The following ZHX2 variants were observed in gnomAD, a reference collection of about 807,000 sequenced individuals.
The protein encoded by ZHX2 is zinc fingers and homeoboxes protein 2.
In ZHX2, 6 loss-of-function variants were observed where a neutral mutation model predicts 21.9. The ratio of observed to expected loss-of-function variants is 0.27; its 90% confidence interval spans 0.15 to 0.54. The LOEUF (loss-of-function observed/expected upper bound fraction) is 0.54. Among genes scored for constraint, ZHX2 ranks in the 20% least tolerant of loss-of-function variants. The pLI, the probability that ZHX2 is intolerant of heterozygous loss-of-function variation, is 0.95. For missense variants in ZHX2, 908 were observed against 1,090.7 expected, an observed-to-expected ratio of 0.83 and a Z score of 2.36; for synonymous variants, 434 against 437.1, an observed-to-expected ratio of 0.99 and a Z score of 0.09.
At chr8:122,790,783 T>G (rs574426541) in intron 1 of ZHX2, among the ~76,000 whole-genome samples, 8 of 152,126 alleles carry the variant, frequency 5.3e-5, no homozygotes, top group African/African-American at 1.9e-4. Flanking sequence ...AATTTTTGTA[T>G]TTTTAGTAGA....
intron 1 of ZHX2, among the ~76,000 whole-genome samples, chr8:122,799,461 A>G (rs1269278243): frequency 1.3e-5 from 2 of 152,190 alleles, no homozygotes; most frequent in Admixed American, 6.5e-5. Context: ...AAAGCTAATC[A>G]TTCAAAATTG....
chr8:122,817,385 T>TA (rs1818058042), intron 1 of ZHX2, among the ~76,000 whole-genome samples: 1 of 152,118 alleles, frequency 6.6e-6, no homozygotes, highest in Non-Finnish European at 1.5e-5. Context: ...TCAGTTGCCG[T>TA]ATGAGGCACT....
chr8:122,958,897 G>C (rs1398033917), intron 3 of ZHX2, among the ~76,000 whole-genome samples: 1 of 151,208 alleles, frequency 6.6e-6, no homozygotes, highest in Non-Finnish European at 1.5e-5. Context: ...CCAAGACACA[G>C]CCCCTACCTA....
chr8:122,788,897 G>A (rs771270655), intron 1 of ZHX2, among the ~76,000 whole-genome samples: 1 of 152,172 alleles, frequency 6.6e-6, no homozygotes, highest in African/African-American at 2.4e-5. Flanking sequence ...TTACAAATCC[G>A]CCTCTGTTAT....
At chr8:122,962,140 T>C (rs776898105) in intron 3 of ZHX2, among the ~76,000 whole-genome samples, 1 of 152,154 alleles carries the variant, frequency 6.6e-6, no homozygotes, top group Non-Finnish European at 1.5e-5. Flanking sequence ...CCAAACTATT[T>C]TAATAGTTTT....
At chr8:122,818,534 G>T (rs1366032725) in intron 1 of ZHX2, among the ~76,000 whole-genome samples, 1 of 152,092 alleles carries the variant, frequency 6.6e-6, no homozygotes, top group East Asian at 1.9e-4. Context: ...GGCTCTGTCT[G>T]TGGCTAGCTT....
In ZHX2 at chr8:122,798,073, G is replaced by A. The variant is rs542575970; in HGVS notation, c.-283+16127G>A. ...CTGAGGCTCAGAGAGGTGAAGCAAC[G>A]CAGCGAGGAAGGGGCAGAGCCAGAC... On this transcript the variant is annotated intron_variant, in intron 1 of 3. Coordinates refer to ENST00000314393, the MANE Select transcript of ZHX2 (RefSeq NM_014943.5). 3.3e-5 allele frequency among the ~76,000 whole-genome samples: 5 copies of A among 152,346 alleles called. No homozygotes were observed. The East Asian group carries it at 5.8e-4, about 18-fold the overall frequency.
At chr8:122,954,177 T>C in intron 3 of ZHX2, 149 bp downstream of exon 3, 1 of 747,222 alleles carries the variant, frequency 1.3e-6, no homozygotes, top group East Asian at 2.7e-5. Flanking sequence ...ATGATGTATA[T>C]TGATCACATA....
chr8:122,851,534 C>T (rs1299631002), intron 1 of ZHX2, among the ~76,000 whole-genome samples: 3 of 152,188 alleles, frequency 2.0e-5, no homozygotes, highest in African/African-American at 7.2e-5. Flanking sequence ...AGTGCAAGGT[C>T]AGATTGTCTG....
intron 2 of ZHX2, among the ~76,000 whole-genome samples, chr8:122,892,328 G>A (rs879523624): frequency 3.3e-5 from 5 of 152,142 alleles, no homozygotes; most frequent in Non-Finnish European, 7.3e-5. Context: ...CAAAGTAAGT[G>A]AGTTTCTTAT....
At chr8:122,846,385 C>G (rs555749536) in intron 1 of ZHX2, among the ~76,000 whole-genome samples, 3 of 152,184 alleles carry the variant, frequency 2.0e-5, no homozygotes, top group Non-Finnish European at 2.9e-5. Flanking sequence ...TTTCTGTGAA[C>G]TGAGTGAGCT....
intron 2 of ZHX2, among the ~76,000 whole-genome samples, chr8:122,893,122 TG>T (rs1820021226): frequency 6.6e-6 from 1 of 152,158 alleles, no homozygotes; most frequent in African/African-American, 2.4e-5. Flanking sequence ...GTTTTTGTTT[TG>T]TTTTTTTTCT....
chr8:122,906,990 T>C (rs948844363), intron 2 of ZHX2, among the ~76,000 whole-genome samples: 1 of 152,152 alleles, frequency 6.6e-6, no homozygotes, highest in Non-Finnish European at 1.5e-5. Flanking sequence ...ATAAAAGTCA[T>C]ATGCAGCTTG....
intron 1 of ZHX2, among the ~76,000 whole-genome samples, chr8:122,789,785 T>A (rs115795079): frequency 0.03 from 4,543 of 152,348 alleles, 144 homozygotes; most frequent in African/African-American, 0.078. Flanking sequence ...TAAGCTCTCC[T>A]AATAGAGAAC....
chr8:122,843,012 AC>A (rs1818673770), intron 1 of ZHX2, among the ~76,000 whole-genome samples: 1 of 152,184 alleles, frequency 6.6e-6, no homozygotes, highest in Non-Finnish European at 1.5e-5. Context: ...CACTTGGAGA[AC>A]CATTGCCCCA....
intron 2 of ZHX2, among the ~76,000 whole-genome samples, chr8:122,891,417 T>A (rs977412555): frequency 6.6e-6 from 1 of 152,020 alleles, no homozygotes; most frequent in Non-Finnish European, 1.5e-5. Flanking sequence ...CTAATCTCTG[T>A]TTTGTTTATT....
At chr8:122,867,662 C>G (rs537823044) in intron 2 of ZHX2, among the ~76,000 whole-genome samples, 5 of 152,254 alleles carry the variant, frequency 3.3e-5, no homozygotes, top group Non-Finnish European at 5.9e-5. Context: ...TAGGTTTCCC[C>G]TGAGTTTCCT....
intron 2 of ZHX2, among the ~76,000 whole-genome samples, chr8:122,899,773 A>G (rs979414928): frequency 6.6e-6 from 1 of 152,236 alleles, no homozygotes; most frequent in African/African-American, 2.4e-5. Flanking sequence ...TAATACAGAG[A>G]GGTTTCACCT....
chr8:122,904,202 T>C (rs969808224), intron 2 of ZHX2, among the ~76,000 whole-genome samples: 26 of 152,236 alleles, frequency 1.7e-4, no homozygotes, highest in African/African-American at 6.0e-4. Context: ...CTGCTGTCTC[T>C]AGCCAAAGAA....
Sources: allele counts gnomAD v4.1 joint callset (sites outside exome capture counted in the v4.1 genomes callset), GRCh38; gene constraint gnomAD v4.1.1; transcripts MANE v1.5; gene names NCBI Gene and HGNC (gene_info 2026-07-23, HGNC 2026-07-21).